The following FHL2 variants were observed in gnomAD, a reference collection of about 807,000 sequenced individuals.
The protein encoded by FHL2 is four and a half LIM domains protein 2.
Under a neutral mutation model 32.7 loss-of-function variants are expected in FHL2, and 20 were observed. The observed-to-expected ratio is 0.61, with a 90% CI of 0.43 to 0.89. FHL2 has a LOEUF of 0.89. FHL2 is among the 40% of genes least tolerant of loss of function. FHL2 has a pLI of 0.00. For missense variants in FHL2, 311 were observed against 358.6 expected (o/e 0.87, Z 1.07); for synonymous variants, 123 against 128.1 (o/e 0.96, Z 0.27).
intron 1 of FHL2, among the ~76,000 whole-genome samples, chr2:105,428,158 C>T (rs752711831): frequency 9.9e-5 from 15 of 152,200 alleles, no homozygotes; most frequent in Non-Finnish European, 2.2e-4. Context: ...CCTAGTCTTT[C>T]CCACCTGGAG....
intron 1 of FHL2, among the ~76,000 whole-genome samples, chr2:105,416,950 A>G (rs1334829298): frequency 6.6e-6 from 1 of 152,232 alleles, no homozygotes; most frequent in Non-Finnish European, 1.5e-5. Context: ...TGTTCTTCCA[A>G]GTGAAAATGG....
intron 1 of FHL2, among the ~76,000 whole-genome samples, chr2:105,413,909 C>T (rs1485385847): frequency 6.6e-6 from 1 of 152,152 alleles, no homozygotes; most frequent in East Asian, 1.9e-4. Context: ...GCTGGGTGTC[C>T]TCAAATTCAA....
In FHL2 at chr2:105,410,311, C is replaced by T. The variant is rs1053607430; in HGVS notation, c.-24-23771G>A. ...CTTCACCTTCTAGTGGCCTCACTTG[C>T]ACACCAGCTTTCCCCAAGCAGATAA... On this transcript the variant is annotated intron_variant, in intron 1 of 5. Coordinates refer to the FHL2 transcript ENST00000393352. Among the ~76,000 whole-genome samples, 5 of 152,224 alleles carry T rather than the reference C, an allele frequency of 3.3e-5. No individual in the cohort carries two copies. In the East Asian group the frequency reaches 7.7e-4, roughly 23 times the overall value.
intron 1 of FHL2, among the ~76,000 whole-genome samples, chr2:105,416,691 A>T (rs1373256448): frequency 6.6e-6 from 1 of 152,228 alleles, no homozygotes; most frequent in East Asian, 1.9e-4. Flanking sequence ...ATGCTGATAC[A>T]TTTCATTATA....
At chr2:105,417,714 A>G (rs901281196) in intron 1 of FHL2, among the ~76,000 whole-genome samples, 3 of 151,648 alleles carry the variant, frequency 2.0e-5, no homozygotes, top group African/African-American at 7.2e-5. Context: ...AGAAAGAAAG[A>G]ATGAAAAAAA....
intron 5 of FHL2, among the ~76,000 whole-genome samples, chr2:105,365,337 C>A (rs1573280896): frequency 6.6e-6 from 1 of 152,166 alleles, no homozygotes; most frequent in South Asian, 2.1e-4. Flanking sequence ...CCTGAGAGGG[C>A]CAAGTTCATG....
chr2:105,433,343 G>A (rs2104686116), intron 1 of FHL2, among the ~76,000 whole-genome samples: 1 of 152,134 alleles, frequency 6.6e-6, no homozygotes, highest in East Asian at 1.9e-4. Context: ...ACCATGCCCA[G>A]CTAATTTTGG....
rs1573266748 is a variant in FHL2, at chr2:105,361,310, C to G, written c.813G>C (p.Leu271=). ...RGFLTERDDI[L]CPDCGKDI ...AGATGTCTTTCCCACAGTCGGGGCA[C>G]AGGATGTCGTCCCTCTCTGTGAGGA... The change falls in exon 7 of 7, where the codon CTG becomes CTC. Residue 271 remains leucine, a synonymous_variant. Coordinates refer to ENST00000530340, the MANE Select transcript of FHL2 (RefSeq NM_001318895.3). The G allele has an allele frequency of 6.2e-7, 1 of 1,614,034 alleles. No individual in the cohort carries two copies. The highest frequency in any genetic ancestry group is 1.3e-5 in the African/African-American group (1 of 75,050).
At chr2:105,420,131 A>T (rs533311015) in intron 1 of FHL2, among the ~76,000 whole-genome samples, 2 of 152,102 alleles carry the variant, frequency 1.3e-5, no homozygotes, top group Admixed American at 6.6e-5. Context: ...ACAGAAATTT[A>T]TTGTCTCCAA....
intron 5 of FHL2, among the ~76,000 whole-genome samples, chr2:105,364,841 A>G (rs765392486): frequency 6.6e-6 from 1 of 152,264 alleles, no homozygotes; most frequent in Non-Finnish European, 1.5e-5. Context: ...GACTTGCCAA[A>G]GAATTCATAG....
At chr2:105,410,771 G>GA (rs1195523891) in intron 1 of FHL2, among the ~76,000 whole-genome samples, 1 of 151,932 alleles carries the variant, frequency 6.6e-6, no homozygotes, top group African/African-American at 2.4e-5. Context: ...CACACTGGTG[G>GA]AAAAAAAATG....
At chr2:105,399,609 C>T (rs79858788), upstream of FHL2, 4,453 of 1,528,724 alleles carry the variant, frequency 2.9e-3, 12 homozygotes, top group African/African-American at 0.013. Flanking sequence ...CTCTCCCTCT[C>T]GGGGCCAGAA....
chr2:105,421,975 C>A (rs968060095), intron 1 of FHL2, among the ~76,000 whole-genome samples: 7 of 152,196 alleles, frequency 4.6e-5, no homozygotes, highest in Admixed American at 4.6e-4. Flanking sequence ...TTGTTCCCAT[C>A]AGCTTTTTGC....
chr2:105,410,895 G>A (rs992043601), intron 1 of FHL2, among the ~76,000 whole-genome samples: 1 of 152,214 alleles, frequency 6.6e-6, no homozygotes, highest in African/African-American at 2.4e-5. Context: ...AATGGACTTA[G>A]TTATTTTAGG....
chr2:105,434,222 C>A (rs1258852391), intron 1 of FHL2, among the ~76,000 whole-genome samples: 2 of 152,220 alleles, frequency 1.3e-5, no homozygotes, highest in Non-Finnish European at 2.9e-5. Flanking sequence ...CATATGGCAA[C>A]AGGGTTGCTC....
intron 3 of FHL2, chr2:105,376,634 C>A (rs113823957): frequency 6.6e-6 from 1 of 152,088 alleles, no homozygotes; most frequent in African/African-American, 2.4e-5. Context: ...AGTAGAATTA[C>A]CATATGATTC....
intron 3 of FHL2, among the ~76,000 whole-genome samples, chr2:105,381,383 G>C (rs57919778): frequency 0.13 from 20,480 of 152,042 alleles, 1,464 homozygotes; most frequent in East Asian, 0.29. Context: ...AGTCCCGTGA[G>C]CTAGGAACCC....
At chr2:105,378,160 C>T (rs767964611) in intron 3 of FHL2, 20 of 471,156 alleles carry the variant, frequency 4.2e-5, no homozygotes, top group South Asian at 3.1e-4. Context: ...GCACATGGGT[C>T]CAAGGCACTG....
intron 1 of FHL2, among the ~76,000 whole-genome samples, chr2:105,417,684 C>CAAAAAAAAAAAAAAAAA (rs11353319): frequency 1.1e-5 from 1 of 89,396 alleles, no homozygotes; most frequent in Non-Finnish European, 2.2e-5. Context: ...ACTCCATCTC[C>CAAAAAAAAAAAAAAAAA]AAAAAAAAAA....
Sources: gnomAD v4.1 joint callset for allele counts (sites outside exome capture counted in the v4.1 genomes callset) on GRCh38, gnomAD v4.1.1 for gene constraint, MANE v1.5 for transcripts, NCBI Gene and HGNC (gene_info 2026-07-23, HGNC 2026-07-21) for gene names.